Variants in COL5A2 observed in about 807,000 individuals in gnomAD.
The protein encoded by COL5A2 is collagen alpha-2(V) chain.
A neutral mutation model predicts 208.2 loss-of-function variants in COL5A2; 23 were observed. The ratio of observed to expected loss-of-function variants is 0.11; its 90% confidence interval spans 0.08 to 0.16. COL5A2 has a LOEUF of 0.16. Among genes scored for constraint, COL5A2 ranks in the 10% least tolerant of loss-of-function variants. The probability of loss-of-function intolerance (pLI) is 1.00; values close to 1 mark genes in which losing one functional copy is unlikely to be tolerated. For synonymous variants in COL5A2, 625 were observed against 628.5 expected, an observed-to-expected ratio of 0.99 and a Z score of 0.08; for missense variants, 1,590 against 1,956.4, an observed-to-expected ratio of 0.81 and a Z score of 3.53.
chr2:189,081,289 G>A (rs940396901), intron 12 of COL5A2, among the ~76,000 whole-genome samples: 2 of 152,110 alleles, frequency 1.3e-5, no homozygotes, highest in African/African-American at 4.8e-5. Context: ...GCCAGGTATT[G>A]AGTTCATGAC....
chr2:189,393,411 C>CT, the COL5A2 span, among the ~76,000 whole-genome samples: 1 of 151,944 alleles, frequency 6.6e-6, no homozygotes, highest in Non-Finnish European at 1.5e-5. Context: ...CTCATTAATT[C>CT]TTTTTTTAAT....
intron 1 of COL5A2, among the ~76,000 whole-genome samples, chr2:189,215,390 G>A (rs1689266806): frequency 6.6e-6 from 1 of 152,070 alleles, no homozygotes; most frequent in Non-Finnish European, 1.5e-5. Context: ...TCTGCATGCT[G>A]TAAGAGTAAT....
the COL5A2 span, among the ~76,000 whole-genome samples, chr2:189,268,626 T>C: frequency 6.6e-6 from 1 of 152,156 alleles, no homozygotes; most frequent in Non-Finnish European, 1.5e-5. Context: ...CAACATGCTT[T>C]TTCTGGGAAT....
At chr2:189,094,588 G>GACACACACACACACACACAC (rs1175370532) in intron 6 of COL5A2, among the ~76,000 whole-genome samples, 133 of 11,684 alleles carry the variant, frequency 0.011, 30 homozygotes, top group Admixed American at 0.015. Context: ...CTTTCTCTCT[G>GACACACACACACACACACAC]ACACACACAC....
chr2:189,106,512 G>A (rs556240363), intron 2 of COL5A2, among the ~76,000 whole-genome samples: 1 of 150,842 alleles, frequency 6.6e-6, no homozygotes, highest in Admixed American at 6.6e-5. Context: ...CAATTTAATA[G>A]GTTTGTAAGC....
chr2:189,166,688 G>A (rs1197809353), intron 1 of COL5A2, among the ~76,000 whole-genome samples: 1 of 152,218 alleles, frequency 6.6e-6, no homozygotes, highest in African/African-American at 2.4e-5. Flanking sequence ...TTCGTCTGTA[G>A]TGTGAGCCAC....
At chr2:189,401,239 G>A in the COL5A2 span, among the ~76,000 whole-genome samples, 6 of 152,038 alleles carry the variant, frequency 3.9e-5, no homozygotes, top group African/African-American at 1.4e-4. Context: ...ACAGGCATTA[G>A]TGTGTGTTGT....
At chr2:189,064,451 TAAACTGTAAAAACAAACTAAATTTAAA>T in intron 25 of COL5A2, 79 bp downstream of exon 25, 1 of 799,884 alleles carries the variant, frequency 1.3e-6, no homozygotes, top group South Asian at 1.4e-5. Context: ...AGAAATGTTC[TAAACTGTAAAAACAAACTAAATTTAAA>T]AACAAACAAA....
chr2:189,107,386 T>C (rs1687171812), intron 2 of COL5A2, among the ~76,000 whole-genome samples: 1 of 151,634 alleles, frequency 6.6e-6, no homozygotes, highest in Non-Finnish European at 1.5e-5. Context: ...TAATGATTCT[T>C]TCATGTTGTT....
At chr2:189,277,727 T>C in the COL5A2 span, among the ~76,000 whole-genome samples, 1 of 143,424 alleles carries the variant, frequency 7.0e-6, no homozygotes, top group African/African-American at 2.4e-5. Context: ...ATAGATCCAA[T>C]GTCTTCATCA....
chr2:189,280,141 G>A, the COL5A2 span, among the ~76,000 whole-genome samples: 5 of 151,984 alleles, frequency 3.3e-5, no homozygotes, highest in South Asian at 6.2e-4. Flanking sequence ...TGTGAGAAAC[G>A]AATTTTTGGT....
At chr2:189,321,622 T>G in the COL5A2 span, among the ~76,000 whole-genome samples, 3 of 152,190 alleles carry the variant, frequency 2.0e-5, no homozygotes, top group East Asian at 5.8e-4. Flanking sequence ...CTAACTATCC[T>G]AAATATATAT....
chr2:189,058,546 G>A lies in COL5A2; in HGVS notation c.2131-19C>T. ...GTTCTCCCTAGCACAAAATTGGGAT[G>A]TCAAATAATCTCAATACTTGATCTA... On this transcript the variant is annotated intron_variant, in intron 32 of 53. Coordinates refer to ENST00000374866, the MANE Select transcript of COL5A2 (RefSeq NM_000393.5). The A allele has an allele frequency of 6.3e-7, 1 of 1,582,734 alleles. No homozygotes were observed. Among genetic ancestry groups the A allele is most frequent in the South Asian group, 1.1e-5 (1 of 90,482 alleles).
At chr2:189,225,298 G>A (rs780873304) in exon 1 of COL5A2, among the ~76,000 whole-genome samples, 6 of 152,124 alleles carry the variant, frequency 3.9e-5, no homozygotes, top group Non-Finnish European at 7.4e-5. Flanking sequence ...GGTGGCCAGA[G>A]TTCTCAAGAC....
the COL5A2 span, among the ~76,000 whole-genome samples, chr2:189,376,578 AACAACT>A: frequency 1.3e-5 from 2 of 152,228 alleles, no homozygotes; most frequent in Admixed American, 1.3e-4. Flanking sequence ...TGTTCAAGGT[AACAACT>A]ACTGCTCTTT....
At chr2:189,090,870 A>C (rs1278013042) in intron 7 of COL5A2, among the ~76,000 whole-genome samples, 1 of 152,206 alleles carries the variant, frequency 6.6e-6, no homozygotes, top group Non-Finnish European at 1.5e-5. Flanking sequence ...CTCAGTGACA[A>C]TGCACTAGGT....
At chr2:189,215,171 G>A (rs186222999) in intron 1 of COL5A2, among the ~76,000 whole-genome samples, 2 of 152,212 alleles carry the variant, frequency 1.3e-5, no homozygotes, top group African/African-American at 4.8e-5. Context: ...CATAATAAAA[G>A]AAGAGCTAGA....
At chr2:189,385,292 A>G in the COL5A2 span, among the ~76,000 whole-genome samples, 1 of 152,204 alleles carries the variant, frequency 6.6e-6, no homozygotes, top group Non-Finnish European at 1.5e-5. Context: ...AGAATGCCAA[A>G]TCAATGTACA....
At chr2:189,392,712 T>C in the COL5A2 span, among the ~76,000 whole-genome samples, 1 of 152,062 alleles carries the variant, frequency 6.6e-6, no homozygotes, top group Non-Finnish European at 1.5e-5. Context: ...CATTGCAGTG[T>C]TAACAGATGT....
Sources: allele counts gnomAD v4.1 joint callset (sites outside exome capture counted in the v4.1 genomes callset), GRCh38; gene constraint gnomAD v4.1.1; transcripts MANE v1.5; gene names NCBI Gene and HGNC (gene_info 2026-07-23, HGNC 2026-07-21).